KRT8: variants seen among roughly 807,000 people sequenced by gnomAD.
The protein encoded by KRT8 is keratin 8.
A neutral mutation model predicts 43.0 loss-of-function variants in KRT8; 24 were observed. The ratio of observed to expected loss-of-function variants is 0.56; its 90% CI spans 0.40 to 0.78. The LOEUF (loss-of-function observed/expected upper bound fraction) is 0.78, where lower values mean the gene tolerates loss of function less well. KRT8 is among the 30% of genes least tolerant of loss of function. The probability of loss-of-function intolerance (pLI) is 0.00; values close to 1 mark genes in which losing one functional copy is unlikely to be tolerated. For synonymous variants in KRT8, 214 were observed against 261.2 expected (o/e 0.82, Z 1.74); for missense variants, 492 against 638.4 (o/e 0.77, Z 2.47).
At chr12:52,915,224 T>A (rs1326537588) in intron 2 of KRT8, among the ~76,000 whole-genome samples, 1 of 150,810 alleles carries the variant, frequency 6.6e-6, no homozygotes, top group Non-Finnish European at 1.5e-5. Flanking sequence ...ATACAAAAAA[T>A]TAGCCGGGCG....
intron 2 of KRT8, among the ~76,000 whole-genome samples, chr12:52,936,004 A>C (rs1220758292): frequency 3.3e-5 from 5 of 152,204 alleles, no homozygotes; most frequent in Non-Finnish European, 5.9e-5. Context: ...CTATAATCCC[A>C]GCACTTTGGG....
At chr12:52,900,790 C>T (rs1477041529) in intron 3 of KRT8, 107 bp from the exon 4 acceptor site, 2 of 772,452 alleles carry the variant, frequency 2.6e-6, no homozygotes, top group Non-Finnish European at 2.3e-6. Context: ...TTCTAGTTGC[C>T]CACTTTGTGG....
rs570159839 is a variant in KRT8 at position 52,899,052 on chromosome 12, T to G, written c.982-153A>C. The G allele has an allele frequency of 3.2e-4, 228 of 713,304 alleles. 2 individuals carry two copies. The South Asian group carries it at 3.6e-3, about 11-fold the overall frequency. 44.2% of individuals were successfully genotyped at this position (713,304 alleles called of 1,614,324 possible). ...ACTAAGGGCCGGGCACAGTGGCTCATGCCTGTAATCCCAGCACTTTGGGAG... is the reference window on the plus strand; with the variant it reads ...ACTAAGGGCCGGGCACAGTGGCTCAGGCCTGTAATCCCAGCACTTTGGGAG... On this transcript the variant is annotated intron_variant, in intron 5 of 7. Coordinates refer to ENST00000692008, the Ensembl canonical transcript of KRT8.
rs929241892 is a variant in KRT8 at position 52,934,236 on chromosome 12, G to GA, written c.-47+15219dup. 7.3e-5 allele frequency among the ~76,000 whole-genome samples: 11 copies of GA among 150,200 alleles called. No homozygotes were observed. In the South Asian group the frequency reaches 1.9e-3, roughly 26 times the overall value. On this transcript the variant is annotated intron_variant, in intron 2 of 6. Coordinates refer to the KRT8 transcript ENST00000546826. ...AGAGTGAAACTTCATCTCAGAAAAG[G>GA]AAAAAAAATAAAAGAAAAGGAAGGA...
rs748226299 is a variant in KRT8, at chr12:52,898,378, G to A, written c.1261+83C>T. On this transcript the variant is annotated intron_variant, in intron 7 of 7. Coordinates refer to ENST00000692008, the Ensembl canonical transcript of KRT8. ...TGCTCAGGCTGAGGTCACTGTGAGC[G>A]ACTGAGCACAGCCCCCTCCCTGGAG... The A allele has an allele frequency of 2.5e-5, 30 of 1,202,978 alleles. No homozygotes were observed. The Admixed American group carries it at 3.1e-4, about 12-fold the overall frequency. The allele number at this position is 1,202,978 out of a possible 1,614,324, so 74.5% of individuals were successfully genotyped here.
intron 2 of KRT8, among the ~76,000 whole-genome samples, chr12:52,941,918 A>T (rs1397842729): frequency 6.6e-6 from 1 of 152,150 alleles, no homozygotes. Flanking sequence ...TCTGTGCTGT[A>T]TTCTCAGATC....
At chr12:52,901,106 G>T in intron 3 of KRT8, 53 bp downstream of exon 3, 1 of 1,300,224 alleles carries the variant, frequency 7.7e-7, no homozygotes. Flanking sequence ...CTTGGTCTGA[G>T]TCTCTGAGCC....
At chr12:52,917,112 G>A (rs1044856195) in intron 2 of KRT8, among the ~76,000 whole-genome samples, 10 of 152,166 alleles carry the variant, frequency 6.6e-5, no homozygotes, top group Non-Finnish European at 1.2e-4. Context: ...GTCTGCGGCC[G>A]GGCACACTGG....
At chr12:52,912,943 C>T (rs906000219) in intron 2 of KRT8, among the ~76,000 whole-genome samples, 5 of 152,212 alleles carry the variant, frequency 3.3e-5, no homozygotes, top group African/African-American at 4.8e-5. Flanking sequence ...GGCTGGGAAG[C>T]GCTTGCTTGC....
In KRT8 at chr12:52,899,939, G is replaced by A. The variant is rs147928805; in HGVS notation, c.817C>T (p.Arg273Cys). The change falls in exon 5 of 8, where the codon CGC becomes TGC. Residue 273 changes from arginine to cysteine, a missense_variant. By Grantham distance (180) the Arg-to-Cys change is radical. Transcript: ENST00000692008. The stretch of plus-strand genomic sequence containing the variant: ...ATGCTCTCAGCCTCAGCCCGGCTGC[G>A]GTTGGCAATATCCTCGTACTGTGCC... 8.1e-5 allele frequency: 131 copies of A among 1,613,212 alleles called. No individual in the cohort carries two copies. The highest frequency in any genetic ancestry group is 3.1e-4 in the African/African-American group (23 of 74,906).
chr12:52,944,675 C>A (rs1942317245), intron 2 of KRT8, among the ~76,000 whole-genome samples: 1 of 152,200 alleles, frequency 6.6e-6, no homozygotes, highest in Non-Finnish European at 1.5e-5. Context: ...CAGCCACACG[C>A]TTCTCAGCGC....
intron 2 of KRT8, among the ~76,000 whole-genome samples, chr12:52,941,478 C>CTTT (rs774607187): frequency 0.024 from 1,755 of 72,576 alleles, 301 homozygotes; most frequent in African/African-American, 0.1. Flanking sequence ...AGTTTTTGCT[C>CTTT]TTTTTTTTTT....
At chr12:52,911,927 G>A (rs1941644451), upstream of KRT8, among the ~76,000 whole-genome samples, 1 of 152,206 alleles carries the variant, frequency 6.6e-6, no homozygotes, top group Admixed American at 6.5e-5. Flanking sequence ...TACTCGGGAG[G>A]CTGAGGTAGG....
intron 2 of KRT8, among the ~76,000 whole-genome samples, chr12:52,919,290 TCTCA>T (rs1028669790): frequency 1.3e-5 from 2 of 151,970 alleles, no homozygotes; most frequent in African/African-American, 4.8e-5. Context: ...TGAGACAGAG[TCTCA>T]CTCTGTCACC....
In KRT8 at chr12:52,943,203, G is replaced by A. The variant is rs145296526; in HGVS notation, c.-47+6253C>T. 3.4e-4 allele frequency among the ~76,000 whole-genome samples: 52 copies of A among 152,252 alleles called. No homozygotes were observed. In the East Asian group the frequency reaches 8.5e-3, roughly 25 times the overall value. ...CTTGGCCTCCCGATTTCTCCTGTCC[G>A]TCGCTGATAAACTGCTTGAAAGAAA... On this transcript the variant is annotated intron_variant, in intron 2 of 6. Coordinates refer to the KRT8 transcript ENST00000546826.
intron 2 of KRT8, among the ~76,000 whole-genome samples, chr12:52,940,819 G>A (rs557072166): frequency 2.0e-5 from 3 of 151,598 alleles, no homozygotes; most frequent in Admixed American, 1.3e-4. Flanking sequence ...GTAGAGATGG[G>A]GTTTCACCAT....
chr12:52,922,336 C>T (rs9739281), intron 2 of KRT8, among the ~76,000 whole-genome samples: 111,839 of 151,972 alleles, frequency 0.74, 42,219 homozygotes, highest in African/African-American at 0.91. Flanking sequence ...CAGGCACTCC[C>T]TGTACCATAG....
upstream of KRT8, among the ~76,000 whole-genome samples, chr12:52,911,585 G>T (rs552618575): frequency 3.3e-5 from 5 of 152,230 alleles, no homozygotes; most frequent in African/African-American, 1.2e-4. Context: ...TTTAACCTTC[G>T]TAAGAACACT....
At chr12:52,906,891 C>G (rs1255409559), upstream of KRT8, 2 of 400,050 alleles carry the variant, frequency 5.0e-6, no homozygotes, top group Admixed American at 5.8e-5. Flanking sequence ...AGGACCCCTA[C>G]CCAGAAGGAC....
Sources: allele counts gnomAD v4.1 joint callset (sites outside exome capture counted in the v4.1 genomes callset), GRCh38; gene constraint gnomAD v4.1.1; transcripts MANE v1.5; gene names NCBI Gene and HGNC (gene_info 2026-07-23, HGNC 2026-07-21).